The following ARHGEF38 variants were observed in gnomAD, a reference collection of about 807,000 sequenced individuals.
The protein encoded by ARHGEF38 is Rho guanine nucleotide exchange factor 38, also known as Rho guanine nucleotide exchange factor (GEF) 38.
ARHGEF38 carries 79 observed loss-of-function variants against 79.9 expected under a neutral mutation model. That is an observed-to-expected ratio of 0.99 (90% CI 0.82 to 1.19). The LOEUF (loss-of-function observed/expected upper bound fraction) is 1.19. Ranked by LOEUF, ARHGEF38 falls within the 50% of genes most tolerant of loss-of-function variation. The pLI, the probability that ARHGEF38 is intolerant of heterozygous loss-of-function variation, is 0.00. For synonymous variants in ARHGEF38, 366 were observed against 328.3 expected, an observed-to-expected ratio of 1.11 and a Z score of -1.24; for missense variants, 962 against 907.2, an observed-to-expected ratio of 1.06 and a Z score of -0.78.
chr4:105,594,731 C>T lies in ARHGEF38; in HGVS notation c.384+5296C>T, dbSNP rs73837038. On this transcript the variant is annotated intron_variant, in intron 2 of 13. Coordinates refer to ENST00000420470, the MANE Select transcript of ARHGEF38 (RefSeq NM_001242729.2). ...TGACTGACAACTGTTCTGTGACAAT[C>T]GTGCTGTAAACTTTAATCTTAACTT... 8.3e-3 allele frequency among the ~76,000 whole-genome samples: 1,267 copies of T among 152,276 alleles called. 6 individuals carry two copies. The highest frequency in any genetic ancestry group is 0.029 in the African/African-American group (1,201 of 41,558).
chr4:105,670,302 T>C (rs527777125), intron 13 of ARHGEF38, among the ~76,000 whole-genome samples: 2 of 152,320 alleles, frequency 1.3e-5, no homozygotes, highest in African/African-American at 4.8e-5. Flanking sequence ...CAACACTAGT[T>C]ATTATTTGTC....
At chr4:105,557,219 A>G (rs1189529485) in intron 1 of ARHGEF38, among the ~76,000 whole-genome samples, 1 of 152,118 alleles carries the variant, frequency 6.6e-6, no homozygotes, top group East Asian at 1.9e-4. Context: ...ATATATGTGT[A>G]TATATATGTG....
chr4:105,596,783 C>T (rs1019817418), intron 2 of ARHGEF38, among the ~76,000 whole-genome samples: 1 of 152,166 alleles, frequency 6.6e-6, no homozygotes, highest in Admixed American at 6.6e-5. Flanking sequence ...CCCTCTCTTC[C>T]GATGTTTTTA....
chr4:105,598,101 G>T (rs1369024809), intron 2 of ARHGEF38, among the ~76,000 whole-genome samples: 5 of 152,026 alleles, frequency 3.3e-5, no homozygotes. Context: ...GAAATTTTAT[G>T]ATGTATAAAA....
intron 2 of ARHGEF38, among the ~76,000 whole-genome samples, chr4:105,595,595 A>C (rs891375254): frequency 6.6e-6 from 1 of 152,194 alleles, no homozygotes. Context: ...TATACCATAC[A>C]CAGTTGTCCC....
At chr4:105,635,084 C>T (rs973443072) in intron 4 of ARHGEF38, among the ~76,000 whole-genome samples, 2 of 152,066 alleles carry the variant, frequency 1.3e-5, no homozygotes, top group Non-Finnish European at 2.9e-5. Context: ...GGAATAGTCA[C>T]ATAAAAACTT....
In ARHGEF38 at chr4:105,667,211, G is replaced by A. The variant is rs939877535; in HGVS notation, c.1772G>A (p.Arg591His). The change falls in exon 12 of 14, where the codon CGC (arginine) becomes CAC (histidine). Residue 591 changes from arginine to histidine, a missense_variant. By Grantham distance (29) the Arg-to-His change is conservative. Transcript: ENST00000420470. ...GCAGAGGAACTCTATCAAGCTAAGC[G>A]CAAGTGCAATGCTACACAAGAATAT... Reference protein sequence around the residue: ...YSAEELYQAKRKCNATQEYDI... With the variant: ...YSAEELYQAKHKCNATQEYDI... 17 of 1,535,998 alleles carry A rather than the reference G, an allele frequency of 1.1e-5. No individual in the cohort carries two copies. In the Middle Eastern group the frequency reaches 5.0e-4, roughly 45 times the overall value.
At chr4:105,568,060 A>G (rs1463817855) in intron 1 of ARHGEF38, among the ~76,000 whole-genome samples, 14 of 149,688 alleles carry the variant, frequency 9.4e-5, no homozygotes, top group African/African-American at 3.4e-4. Flanking sequence ...GCGATAGTTT[A>G]CTGAGAATGA....
At chr4:105,566,177 A>G (rs573725179) in intron 1 of ARHGEF38, among the ~76,000 whole-genome samples, 34 of 152,104 alleles carry the variant, frequency 2.2e-4, no homozygotes, top group Admixed American at 7.2e-4. Context: ...CCTTTTCACA[A>G]CCTCTATCAC....
In ARHGEF38 at chr4:105,613,421, T is replaced by C. The variant is rs760618746; in HGVS notation, c.422T>C (p.Ile141Thr). Reference sequence around the variant, plus strand: ...GATGTGGATAGCTTGTTTAGCAACATTGAGTCCGTGCATCAGATATCAGCC... The same window carrying C: ...GATGTGGATAGCTTGTTTAGCAACACTGAGTCCGTGCATCAGATATCAGCC... ...RLDVDSLFSN[I>T]ESVHQISAKL... The change falls in exon 3 of 14, where the codon ATT becomes ACT. Residue 141 changes from isoleucine (I) to threonine (T), a missense_variant. Transcript: ENST00000420470. 14 of 1,613,294 alleles carry C rather than the reference T, an allele frequency of 8.7e-6. No individual in the cohort carries two copies. In the Admixed American group the frequency reaches 1.0e-4, roughly 12 times the overall value.
chr4:105,574,499 G>A (rs1399443032), intron 1 of ARHGEF38, among the ~76,000 whole-genome samples: 29 of 149,500 alleles, frequency 1.9e-4, no homozygotes, highest in Admixed American at 1.6e-3. Flanking sequence ...GTAGTGAGCC[G>A]AGATGGTGCC....
chr4:105,596,659 C>T (rs1360982899), intron 2 of ARHGEF38, among the ~76,000 whole-genome samples: 1 of 152,170 alleles, frequency 6.6e-6, no homozygotes, highest in African/African-American at 2.4e-5. Flanking sequence ...TTGTATATCC[C>T]TTTGCTGTGT....
intron 1 of ARHGEF38, among the ~76,000 whole-genome samples, chr4:105,583,642 A>G (rs1726900315): frequency 6.6e-6 from 1 of 152,226 alleles, no homozygotes; most frequent in Non-Finnish European, 1.5e-5. Context: ...CTTTTAGTAT[A>G]CTAAATAACT....
intron 9 of ARHGEF38, among the ~76,000 whole-genome samples, chr4:105,657,569 CA>C (rs1384827363): frequency 6.6e-6 from 1 of 151,820 alleles, no homozygotes; most frequent in Non-Finnish European, 1.5e-5. Flanking sequence ...AAAGGTGAAT[CA>C]TTTTGTGTCT....
chr4:105,655,725 A>G lies in ARHGEF38; in HGVS notation c.1233+3A>G. 1 of 1,533,522 alleles carries G rather than the reference A, an allele frequency of 6.5e-7. No homozygotes were observed. The highest frequency in any genetic ancestry group is 2.4e-5 in the East Asian group (1 of 40,834). The allele number at this position is 1,533,522 out of a possible 1,614,324, so 95.0% of individuals were successfully genotyped here. A position where few individuals can be genotyped will look rare whatever the true frequency, so the allele number is the denominator to read the frequency against. On this transcript the variant is annotated splice_donor_region_variant and intron_variant, in intron 9 of 13. Coordinates refer to ENST00000420470, the MANE Select transcript of ARHGEF38 (RefSeq NM_001242729.2). ...CCTTAAATTCGTGTCATGACTTTGT[A>G]AGTTATTTATATTCACAGATAAATG...
At chr4:105,625,315 A>G (rs978525345) in intron 3 of ARHGEF38, among the ~76,000 whole-genome samples, 1 of 152,222 alleles carries the variant, frequency 6.6e-6, no homozygotes, top group African/African-American at 2.4e-5. Flanking sequence ...CCTGTCAAAG[A>G]GAAAACAGAA....
chr4:105,612,841 G>C (rs1419389563), intron 2 of ARHGEF38, among the ~76,000 whole-genome samples: 1 of 151,962 alleles, frequency 6.6e-6, no homozygotes, highest in South Asian at 2.1e-4. Context: ...TTAAGGGTGT[G>C]CATGAAATAA....
At chr4:105,649,022 T>C (rs568736990) in intron 7 of ARHGEF38, among the ~76,000 whole-genome samples, 1 of 152,198 alleles carries the variant, frequency 6.6e-6, no homozygotes, top group African/African-American at 2.4e-5. Flanking sequence ...ATATTCTCCC[T>C]CAAGGCAATG....
intron 10 of ARHGEF38, among the ~76,000 whole-genome samples, chr4:105,663,366 T>C (rs201811948): frequency 6.6e-6 from 1 of 152,180 alleles, no homozygotes; most frequent in Admixed American, 6.5e-5. Flanking sequence ...AAGTGTACAT[T>C]TCAGTAGTGT....
Sources: allele counts gnomAD v4.1 joint callset (sites outside exome capture counted in the v4.1 genomes callset), GRCh38; gene constraint gnomAD v4.1.1; transcripts MANE v1.5; gene names NCBI Gene and HGNC (gene_info 2026-07-23, HGNC 2026-07-21).